GDAP2: variants seen among roughly 807,000 people sequenced by gnomAD.
GDAP2 encodes ganglioside-induced differentiation-associated protein 2.
GDAP2 carries 51 observed loss-of-function variants against 67.0 expected under a neutral mutation model. That is an observed-to-expected ratio of 0.76 (90% CI 0.61 to 0.96). GDAP2 has a LOEUF of 0.96. GDAP2 is among the 40% of genes least tolerant of loss of function. The pLI is 0.00. For synonymous variants in GDAP2, 203 were observed against 207.3 expected, an observed-to-expected ratio of 0.98 and a Z score of 0.18; for missense variants, 547 against 588.3, an observed-to-expected ratio of 0.93 and a Z score of 0.73.
rs1285605774 is a variant in GDAP2 at position 117,878,113 on chromosome 1, G to T, written c.1342C>A (p.Leu448Met). The T allele has an allele frequency of 6.2e-7, 1 of 1,606,388 alleles. No homozygotes were observed. Among genetic ancestry groups the T allele is most frequent in the Admixed American group, 1.7e-5 (1 of 59,274 alleles). Reference sequence around the variant, plus strand: ...TCCACATGGTGGATTTTGTCCTTCAGTCCTGAGACAGAAAAGGTGGTAAAA... The same window carrying T: ...TCCACATGGTGGATTTTGTCCTTCATTCCTGAGACAGAAAAGGTGGTAAAA... ...WFFTTFSVSG[L>M]KDKIHHVDSL... The change falls in exon 13 of 14, where the codon CTG (leucine) becomes ATG (methionine). Residue 448 changes from leucine to methionine, a missense_variant. By Grantham distance (15) the Leu-to-Met change is conservative. Transcript: ENST00000369443.
At chr1:117,903,352 C>T (rs1649546672) in intron 6 of GDAP2, among the ~76,000 whole-genome samples, 1 of 152,108 alleles carries the variant, frequency 6.6e-6, no homozygotes, top group South Asian at 2.1e-4. Context: ...TGTCTTCTTT[C>T]TGATCTTAGG....
At chr1:117,880,987 C>T (rs1482805173) in intron 12 of GDAP2, among the ~76,000 whole-genome samples, 1 of 152,024 alleles carries the variant, frequency 6.6e-6, no homozygotes, top group Admixed American at 6.6e-5. Flanking sequence ...AAAAAGGAGG[C>T]AATGATAAGA....
chr1:117,915,336 C>A (rs1650011614), intron 3 of GDAP2, among the ~76,000 whole-genome samples: 1 of 152,170 alleles, frequency 6.6e-6, no homozygotes. Context: ...GTCAACAAGT[C>A]AGTGTCATAG....
rs941624850 is a variant in GDAP2 at position 117,867,987 on chromosome 1, T to C, written c.*2582A>G. ...TAACTTGTGTCTTCAACAATTCAAT[T>C]AGCATTTGGCATGACCAAAGTTTAA... On this transcript the variant is annotated 3_prime_UTR_variant, in exon 14 of 14. Coordinates refer to ENST00000369443, the MANE Select transcript of GDAP2 (RefSeq NM_017686.4). 1 of 152,206 alleles carries C rather than the reference T, an allele frequency of 6.6e-6. No homozygotes were observed. Among genetic ancestry groups the C allele is most frequent in the Non-Finnish European group, 1.5e-5 (1 of 68,048 alleles). The allele number at this position is 152,206 out of a possible 1,614,324, so 9.4% of individuals were successfully genotyped here. A position where few individuals can be genotyped will look rare whatever the true frequency, so the allele number is the denominator to read the frequency against.
At chr1:117,899,003 G>A in intron 7 of GDAP2, 54 bp downstream of exon 7, 1 of 1,311,102 alleles carries the variant, frequency 7.6e-7, no homozygotes, top group South Asian at 1.2e-5. Flanking sequence ...GGTGATTGGT[G>A]CCTATTTTTG....
rs1650135002 is a variant in GDAP2, at chr1:117,918,689, C to T, written c.224G>A (p.Ser75Asn). ...ATTCTTATCTGTGAGACTTTCATTG[C>T]TGGTATTCACAATGGCTGTACAGTT... ...LLNCTAIVNTSNESLTDKNPV... is the reference protein window; with the variant it reads ...LLNCTAIVNTNNESLTDKNPV... Residue 75 changes from serine (S) to asparagine (N), a missense_variant, in exon 3 of 14, where the codon AGC becomes AAC. Ser to Asn is a conservative substitution (Grantham distance 46, BLOSUM62 1). Coordinates refer to ENST00000369443, the MANE Select transcript of GDAP2 (RefSeq NM_017686.4). 1.3e-6 allele frequency: 2 copies of T among 1,595,350 alleles called. No homozygotes were observed. Among genetic ancestry groups the T allele is most frequent in the African/African-American group, 1.3e-5 (1 of 74,546 alleles).
At chr1:117,898,433 A>G (rs573247849) in intron 7 of GDAP2, among the ~76,000 whole-genome samples, 2 of 152,218 alleles carry the variant, frequency 1.3e-5, no homozygotes, top group African/African-American at 4.8e-5. Flanking sequence ...CATTTTTAAA[A>G]GAAATGTTCA....
In GDAP2 at chr1:117,918,596, C is replaced by T; in HGVS notation, c.316+1G>A. On this transcript the variant is annotated splice_donor_variant, in intron 3 of 13. Transcript: ENST00000369443. LOFTEE classifies it high-confidence loss of function. ...TAATATATGAAAGAAAATTCACTCA[C>T]CTTTAAGTTTCTGGAGATCTTCCTT... 1.2e-6 allele frequency: 2 copies of T among 1,602,128 alleles called. No homozygotes were observed. Among genetic ancestry groups the T allele is most frequent in the Non-Finnish European group, 1.7e-6 (2 of 1,169,410 alleles).
chr1:117,925,972 TAA>T (rs1650431336), intron 1 of GDAP2, among the ~76,000 whole-genome samples: 3 of 152,230 alleles, frequency 2.0e-5, no homozygotes, highest in South Asian at 2.1e-4. Context: ...TTTCTCCTCT[TAA>T]GAGAGTGTTA....
intron 10 of GDAP2, among the ~76,000 whole-genome samples, chr1:117,884,436 G>A (rs989730073): frequency 2.6e-5 from 4 of 152,156 alleles, no homozygotes; most frequent in African/African-American, 9.7e-5. Flanking sequence ...AAGGATTACT[G>A]TAAAACAAAC....
chr1:117,905,198 A>G (rs1649615261), intron 6 of GDAP2, among the ~76,000 whole-genome samples: 1 of 152,170 alleles, frequency 6.6e-6, no homozygotes, highest in Non-Finnish European at 1.5e-5. Flanking sequence ...CCACACAGCT[A>G]AAACAGAAAT....
chr1:117,912,436 T>C, intron 4 of GDAP2, 94 bp downstream of exon 4: 1 of 1,137,878 alleles, frequency 8.8e-7, no homozygotes, highest in East Asian at 2.4e-5. Flanking sequence ...CACTGCTAGG[T>C]TTTTAATCTT....
rs750659705 is a variant in GDAP2 at position 117,883,474 on chromosome 1, C to T, written c.1247+14G>A. 1 of 1,603,176 alleles carries T rather than the reference C, an allele frequency of 6.2e-7. No individual in the cohort carries two copies. Among genetic ancestry groups the T allele is most frequent in the Non-Finnish European group, 8.5e-7 (1 of 1,172,786 alleles). ...GAAACTATTTCCCCTTCATAATTTG[C>T]AAAAATAACTAACTTGACATCAACA... On this transcript the variant is annotated intron_variant, in intron 11 of 13. Coordinates refer to ENST00000369443, the MANE Select transcript of GDAP2 (RefSeq NM_017686.4).
At chr1:117,927,532 T>C (rs1366402493) in intron 1 of GDAP2, among the ~76,000 whole-genome samples, 1 of 152,154 alleles carries the variant, frequency 6.6e-6, no homozygotes, top group Non-Finnish European at 1.5e-5. Flanking sequence ...CGCCATTAAT[T>C]ACCGGGTTTA....
chr1:117,912,092 AG>A lies in GDAP2; in HGVS notation c.471-11del. ...AGACATTGACTGCTCTCTGCAACAA[AG>A]GGAAAACACAAAAATTGCACTAGAA... On this transcript the variant is annotated splice_polypyrimidine_tract_variant and intron_variant, in intron 4 of 13. Transcript: ENST00000369443. 1 of 1,554,828 alleles carries A rather than the reference AG, an allele frequency of 6.4e-7. No homozygotes were observed. The highest frequency in any genetic ancestry group is 8.9e-7 in the Non-Finnish European group (1 of 1,126,154).
chr1:117,885,779 A>G (rs1197294292), intron 10 of GDAP2, among the ~76,000 whole-genome samples: 1 of 152,104 alleles, frequency 6.6e-6, no homozygotes, highest in Non-Finnish European at 1.5e-5. Context: ...ACTATGGTTA[A>G]TAATTACTGA....
At chr1:117,914,695 C>T (rs1020353502) in intron 3 of GDAP2, among the ~76,000 whole-genome samples, 40 of 152,066 alleles carry the variant, frequency 2.6e-4, no homozygotes, top group Non-Finnish European at 1.8e-4. Context: ...CAGTAACATA[C>T]AAACAATCAG....
intron 6 of GDAP2, among the ~76,000 whole-genome samples, chr1:117,902,786 T>C (rs1649524026): frequency 6.6e-6 from 1 of 152,142 alleles, no homozygotes; most frequent in Non-Finnish European, 1.5e-5. Flanking sequence ...AACTTGATAA[T>C]TTCTGCAAAA....
At chr1:117,881,054 G>C (rs553001715) in intron 12 of GDAP2, among the ~76,000 whole-genome samples, 3 of 152,130 alleles carry the variant, frequency 2.0e-5, no homozygotes, top group Non-Finnish European at 4.4e-5. Context: ...CCTTACTGAC[G>C]GTTTCTTTGA....
Sources: allele counts gnomAD v4.1 joint callset (sites outside exome capture counted in the v4.1 genomes callset), GRCh38; gene constraint gnomAD v4.1.1; transcripts MANE v1.5; gene names NCBI Gene and HGNC (gene_info 2026-07-23, HGNC 2026-07-21).